The following SAMD5 variants were observed in gnomAD, a reference collection of about 807,000 sequenced individuals.
SAMD5 encodes sterile alpha motif domain containing 5, also known as sterile alpha motif domain-containing protein 5.
Under a neutral mutation model 11.3 loss-of-function variants are expected in SAMD5, and 13 were observed. The observed-to-expected ratio is 1.15, with a 90% CI of 0.75 to 1.83. The LOEUF is 1.83. Ranked by LOEUF, SAMD5 falls within the 40% of genes most tolerant of loss-of-function variation. SAMD5 has a pLI of 0.00. For missense variants in SAMD5, 255 were observed against 239.1 expected (o/e 1.07, Z -0.44); for synonymous variants, 129 against 111.3 (o/e 1.16, Z -1.00).
chr6:147,769,884 G>T, the SAMD5 span, among the ~76,000 whole-genome samples: 6 of 152,308 alleles, frequency 3.9e-5, no homozygotes, highest in African/African-American at 1.2e-4. Context: ...AGAACAAATT[G>T]TACTGTGAGT....
At chr6:147,855,006 G>A in the SAMD5 span, among the ~76,000 whole-genome samples, 1 of 152,078 alleles carries the variant, frequency 6.6e-6, no homozygotes, top group Non-Finnish European at 1.5e-5. Flanking sequence ...AAGTATAGGT[G>A]GCATTCAGAA....
At chr6:147,528,497 T>A (rs1788380349) in intron 1 of SAMD5, among the ~76,000 whole-genome samples, 1 of 152,136 alleles carries the variant, frequency 6.6e-6, no homozygotes, top group Non-Finnish European at 1.5e-5. Context: ...CCTGTGACCT[T>A]ATTTTACTGT....
chr6:147,583,886 T>A (rs2128446495), intron 1 of SAMD5, among the ~76,000 whole-genome samples: 1 of 152,006 alleles, frequency 6.6e-6, no homozygotes. Context: ...TAAAAACAAC[T>A]AGTCAATCCT....
At position 147,724,242 on chromosome 6, in the gene SAMD5, T is replaced by C. The variant is rs369836988; in HGVS notation, c.163-13075T>C. On this transcript the variant is annotated intron_variant, in intron 1 of 1. Transcript: ENST00000566741. The stretch of plus-strand genomic sequence containing the variant: ...TCAACGGTTCAAGCGATTCTCCCCC[T>C]TCAGCCTCCTGAGTAGCTGGGACTA... Among the ~76,000 whole-genome samples, 25 of 152,266 alleles carry C rather than the reference T, an allele frequency of 1.6e-4. No homozygotes were observed. In the East Asian group the frequency reaches 3.9e-3, roughly 24 times the overall value.
chr6:147,533,474 A>AT (rs1788461219), intron 1 of SAMD5, among the ~76,000 whole-genome samples: 1 of 151,578 alleles, frequency 6.6e-6, no homozygotes, highest in African/African-American at 2.4e-5. Flanking sequence ...AAAAAAAAAA[A>AT]AAAAAAGAAA....
intron 1 of SAMD5, among the ~76,000 whole-genome samples, chr6:147,518,342 G>A (rs1322063278): frequency 6.6e-6 from 1 of 152,194 alleles, no homozygotes; most frequent in Non-Finnish European, 1.5e-5. Flanking sequence ...AGGTGCTAAA[G>A]GCAGGGGTAG....
chr6:147,890,203 TAAAC>T, the SAMD5 span, among the ~76,000 whole-genome samples: 3 of 151,866 alleles, frequency 2.0e-5, no homozygotes, highest in Admixed American at 6.6e-5. Flanking sequence ...CTATTAAAAA[TAAAC>T]AAAACATAAA....
At chr6:147,742,637 T>A in the SAMD5 span, among the ~76,000 whole-genome samples, 1 of 152,214 alleles carries the variant, frequency 6.6e-6, no homozygotes, top group Non-Finnish European at 1.5e-5. Context: ...CCTTTCTCCA[T>A]GGGCTGAAGG....
the SAMD5 span, among the ~76,000 whole-genome samples, chr6:147,871,667 C>G: frequency 6.6e-6 from 1 of 152,188 alleles, no homozygotes; most frequent in Non-Finnish European, 1.5e-5. Context: ...TTGCTTATCT[C>G]TAGTGCTATC....
At chr6:147,692,684 G>T (rs1791120213) in intron 1 of SAMD5, among the ~76,000 whole-genome samples, 2 of 152,180 alleles carry the variant, frequency 1.3e-5, no homozygotes, top group South Asian at 4.1e-4. Flanking sequence ...ACACAAGTGT[G>T]GTCCTGTGGT....
intron 1 of SAMD5, among the ~76,000 whole-genome samples, chr6:147,561,890 A>G (rs1788956628): frequency 6.6e-6 from 1 of 152,236 alleles, no homozygotes; most frequent in South Asian, 2.1e-4. Flanking sequence ...ATGGTCATGA[A>G]GCAACATATG....
intron 1 of SAMD5, among the ~76,000 whole-genome samples, chr6:147,525,403 G>A (rs1788321154): frequency 6.7e-6 from 1 of 149,462 alleles, no homozygotes; most frequent in African/African-American, 2.5e-5. Flanking sequence ...GCCTGGAGTG[G>A]GAATACATTT....
the SAMD5 span, among the ~76,000 whole-genome samples, chr6:147,872,652 G>C: frequency 6.6e-6 from 1 of 152,164 alleles, no homozygotes; most frequent in Non-Finnish European, 1.5e-5. Context: ...TATGGAATGA[G>C]TATTCATGGG....
intron 1 of SAMD5, among the ~76,000 whole-genome samples, chr6:147,517,927 T>C (rs1327887318): frequency 3.9e-5 from 6 of 152,182 alleles, no homozygotes; most frequent in East Asian, 1.9e-4. Context: ...ATGATACTTA[T>C]ACTCATTTTC....
intron 1 of SAMD5, among the ~76,000 whole-genome samples, chr6:147,591,976 C>T (rs533185715): frequency 2.6e-5 from 4 of 152,084 alleles, no homozygotes; most frequent in Admixed American, 1.3e-4. Flanking sequence ...AAGATAGCCA[C>T]GGGAGCATTA....
rs553214325 is a variant in SAMD5, at chr6:147,614,864, C to T, written c.162+105477C>T. Among the ~76,000 whole-genome samples the T allele has an allele frequency of 1.6e-4, 24 of 151,962 alleles. 1 individual carries two copies. The highest frequency in any genetic ancestry group is 5.3e-4 in the African/African-American group (22 of 41,310). ...CCCTCTGTATTCGAAGTTTCTGTGT[C>T]CGTGGATTCAACCAACCATAGACTG... On this transcript the variant is annotated intron_variant, in intron 1 of 1. Transcript: ENST00000566741.
chr6:147,789,088 C>T, the SAMD5 span, among the ~76,000 whole-genome samples: 1 of 114,588 alleles, frequency 8.7e-6, no homozygotes, highest in Non-Finnish European at 1.7e-5. Flanking sequence ...TCTCAAAAAA[C>T]AAACAAACAA....
the SAMD5 span, among the ~76,000 whole-genome samples, chr6:147,746,096 C>T: frequency 9.2e-5 from 14 of 152,280 alleles, no homozygotes; most frequent in African/African-American, 3.4e-4. Context: ...TTACTATTTC[C>T]ATCCCTGTTT....
chr6:147,913,675 G>A, the SAMD5 span, among the ~76,000 whole-genome samples: 1 of 152,144 alleles, frequency 6.6e-6, no homozygotes. Flanking sequence ...CAGCCTGGGT[G>A]ACAGAGCGAG....
Sources: gnomAD v4.1 joint callset for allele counts (sites outside exome capture counted in the v4.1 genomes callset) on GRCh38, gnomAD v4.1.1 for gene constraint, MANE v1.5 for transcripts, NCBI Gene and HGNC (gene_info 2026-07-23, HGNC 2026-07-21) for gene names.